Variants in ELMO1 observed in about 807,000 individuals in gnomAD.
ELMO1 encodes engulfment and cell motility 1, also known as engulfment and cell motility protein 1.
In ELMO1, 26 loss-of-function variants were observed where a neutral mutation model predicts 98.9. The ratio of observed to expected loss-of-function variants is 0.26; its 90% CI spans 0.19 to 0.36. The LOEUF (loss-of-function observed/expected upper bound fraction) is 0.36. Ranked by LOEUF, ELMO1 falls within the 10% of genes least tolerant of loss-of-function variation. The probability of loss-of-function intolerance (pLI) is 1.00; values close to 1 mark genes in which losing one functional copy is unlikely to be tolerated. For missense variants in ELMO1, 627 were observed against 935.2 expected, an observed-to-expected ratio of 0.67 and a Z score of 4.30; for synonymous variants, 346 against 346.0, an observed-to-expected ratio of 1.00 and a Z score of 0.00.
intron 16 of ELMO1, among the ~76,000 whole-genome samples, chr7:36,952,924 TATA>T (rs1057316669): frequency 1.3e-5 from 2 of 150,416 alleles, no homozygotes; most frequent in Non-Finnish European, 3.0e-5. Flanking sequence ...GACATTTCAA[TATA>T]ATGAGGTCAA....
intron 4 of ELMO1, among the ~76,000 whole-genome samples, chr7:37,306,163 G>A (rs1356824681): frequency 2.0e-5 from 3 of 152,172 alleles, no homozygotes; most frequent in Non-Finnish European, 4.4e-5. Context: ...TTCAGCTTTC[G>A]AAGCAAGGAG....
intron 13 of ELMO1, among the ~76,000 whole-genome samples, chr7:37,184,749 C>A (rs182864077): frequency 1.3e-5 from 2 of 151,680 alleles, no homozygotes; most frequent in East Asian, 1.9e-4. Flanking sequence ...CTCTACCCCC[C>A]AAAAAAGACA....
chr7:37,153,055 A>T (rs1162164762), intron 13 of ELMO1, among the ~76,000 whole-genome samples: 1 of 152,182 alleles, frequency 6.6e-6, no homozygotes, highest in African/African-American at 2.4e-5. Context: ...CCAATTTCTG[A>T]AAGTGTATTT....
At chr7:37,059,969 G>A (rs1238862360) in intron 15 of ELMO1, among the ~76,000 whole-genome samples, 1 of 152,208 alleles carries the variant, frequency 6.6e-6, no homozygotes, top group Non-Finnish European at 1.5e-5. Context: ...ACCACCTCAG[G>A]AAGAGGATGG....
At chr7:37,015,206 C>T (rs1256071507) in intron 15 of ELMO1, among the ~76,000 whole-genome samples, 1 of 148,580 alleles carries the variant, frequency 6.7e-6, no homozygotes, top group African/African-American at 2.5e-5. Context: ...AGGAAGAGTC[C>T]GGGGGTGGGG....
intron 15 of ELMO1, among the ~76,000 whole-genome samples, chr7:37,061,823 CA>C (rs1474800204): frequency 6.6e-6 from 1 of 152,182 alleles, no homozygotes; most frequent in Non-Finnish European, 1.5e-5. Flanking sequence ...GATTAATTGC[CA>C]ACCTAAAAGG....
chr7:37,149,169 T>C (rs1461729496), intron 13 of ELMO1, among the ~76,000 whole-genome samples: 1 of 152,210 alleles, frequency 6.6e-6, no homozygotes, highest in South Asian at 2.1e-4. Context: ...CAGAGATTTC[T>C]CCAGAACCTA....
At chr7:37,046,584 G>A (rs1003234333) in intron 15 of ELMO1, among the ~76,000 whole-genome samples, 3 of 152,070 alleles carry the variant, frequency 2.0e-5, no homozygotes, top group African/African-American at 4.8e-5. Context: ...TCAAACACGG[G>A]AATGAGAATG....
chr7:37,375,411 G>A, intron 1 of ELMO1: 1 of 607,670 alleles, frequency 1.6e-6, no homozygotes, highest in Non-Finnish European at 3.0e-6. Context: ...CCCTCCCATA[G>A]ATAGCCTTGT....
chr7:37,388,668 G>A (rs867360284), intron 1 of ELMO1, among the ~76,000 whole-genome samples: 15 of 151,532 alleles, frequency 9.9e-5, no homozygotes, highest in Middle Eastern at 3.4e-3. Flanking sequence ...GCTGGGCATG[G>A]CTCATGCCTA....
In ELMO1 at chr7:37,213,338, G is replaced by A. The variant is rs781496887; in HGVS notation, c.951C>T (p.Asp317=). The A allele has an allele frequency of 3.1e-6, 5 of 1,612,852 alleles. No homozygotes were observed. Among genetic ancestry groups the A allele is most frequent in the Non-Finnish European group, 3.4e-6 (4 of 1,179,624 alleles). The change falls in exon 12 of 22, where the codon GAC becomes GAT. Residue 317 remains aspartate (D), a synonymous_variant. Transcript: ENST00000310758. Reference sequence around the variant, plus strand: ...CTGCTGTCCAATGAGCACTCACCTGGTCCTGGGGGTCCATTTTGGTCATCA... The same window carrying A: ...CTGCTGTCCAATGAGCACTCACCTGATCCTGGGGGTCCATTTTGGTCATCA... ...DRMMTKMDPQ[D]QAQRDIIFEL...
intron 15 of ELMO1, among the ~76,000 whole-genome samples, chr7:37,054,827 C>T (rs1288036306): frequency 6.6e-6 from 1 of 152,194 alleles, no homozygotes; most frequent in Non-Finnish European, 1.5e-5. Flanking sequence ...CAGTTTCTGG[C>T]ACCTCTCCCA....
chr7:37,226,602 A>C (rs891682598), intron 8 of ELMO1, among the ~76,000 whole-genome samples: 1 of 152,170 alleles, frequency 6.6e-6, no homozygotes, highest in Non-Finnish European at 1.5e-5. Context: ...TGAAGAACTC[A>C]TAAAGAAATT....
intron 1 of ELMO1, among the ~76,000 whole-genome samples, chr7:37,414,208 T>C (rs1804115528): frequency 6.6e-6 from 1 of 152,218 alleles, no homozygotes; most frequent in Admixed American, 6.5e-5. Flanking sequence ...TTATTTGATA[T>C]TAGCAGCCAA....
intron 8 of ELMO1, among the ~76,000 whole-genome samples, chr7:37,226,971 G>A (rs2130575970): frequency 6.6e-6 from 1 of 152,230 alleles, no homozygotes; most frequent in East Asian, 1.9e-4. Context: ...GTACACTGCG[G>A]GCCTATTCTT....
intron 14 of ELMO1, among the ~76,000 whole-genome samples, chr7:37,100,780 G>A (rs537234235): frequency 1.2e-3 from 180 of 152,374 alleles, no homozygotes; most frequent in African/African-American, 4.0e-3. Context: ...GACAGTGTGT[G>A]TGAGGTGGTA....
chr7:36,960,020 A>G lies in ELMO1; in HGVS notation c.1437+53279T>C, dbSNP rs371174457. ...TGACATTCACACCCGGCCTACAGGAACTTTGTCTCAGTCTATTGTCTGTTC... is the reference window on the plus strand; with the variant it reads ...TGACATTCACACCCGGCCTACAGGAGCTTTGTCTCAGTCTATTGTCTGTTC... On this transcript the variant is annotated intron_variant, in intron 16 of 21. Transcript: ENST00000310758. Among the ~76,000 whole-genome samples, 3 of 152,072 alleles carry G rather than the reference A, an allele frequency of 2.0e-5. No individual in the cohort carries two copies. The East Asian group carries it at 5.8e-4, about 29-fold the overall frequency.
chr7:36,960,009 G>A (rs747962907), intron 16 of ELMO1, among the ~76,000 whole-genome samples: 16 of 152,016 alleles, frequency 1.1e-4, no homozygotes, highest in East Asian at 1.9e-4. Context: ...ATTCACACCC[G>A]GCCTACAGGA....
chr7:37,415,475 G>A (rs544599233), intron 1 of ELMO1, among the ~76,000 whole-genome samples: 28 of 152,238 alleles, frequency 1.8e-4, no homozygotes, highest in Admixed American at 3.3e-4. Context: ...AAATTGTGTC[G>A]ACTTGGCAAG....
Sources: gnomAD v4.1 joint callset for allele counts (sites outside exome capture counted in the v4.1 genomes callset) on GRCh38, gnomAD v4.1.1 for gene constraint, MANE v1.5 for transcripts, NCBI Gene and HGNC (gene_info 2026-07-23, HGNC 2026-07-21) for gene names.